Variants in ING2 observed in about 807,000 individuals in gnomAD.
The protein encoded by ING2 is inhibitor of growth protein 2.
A neutral mutation model predicts 30.6 loss-of-function variants in ING2; 7 were observed. That is an observed-to-expected ratio of 0.23 (90% CI 0.13 to 0.43). The LOEUF is 0.43. Ranked by LOEUF, ING2 falls within the 20% of genes least tolerant of loss-of-function variation. The pLI is 1.00. For synonymous variants in ING2, 136 were observed against 121.7 expected (o/e 1.12, Z -0.78); for missense variants, 239 against 334.9 (o/e 0.71, Z 2.24).
chr4:183,505,369 T>G lies in ING2; in HGVS notation c.172+2T>G. 6.5e-7 allele frequency: 1 copy of G among 1,530,912 alleles called. No individual in the cohort carries two copies. Among genetic ancestry groups the G allele is most frequent in the Non-Finnish European group, 8.8e-7 (1 of 1,137,516 alleles). 94.8% of individuals were successfully genotyped at this position (1,530,912 alleles called of 1,614,324 possible). The stretch of plus-strand genomic sequence containing the variant: ...GAGAGCTGGACAACAAATATCAAGG[T>G]AGGAGCCGCGGGGCTGCCGGCCTCG... On this transcript the variant is annotated splice_donor_variant, in intron 1 of 1. Coordinates refer to ENST00000302327, the MANE Select transcript of ING2 (RefSeq NM_001564.4). LOFTEE classifies it high-confidence loss of function.
chr4:183,512,225 C>G lies in ING2; in HGVS notation c.*1273C>G, dbSNP rs1281781796. Among the ~76,000 whole-genome samples the G allele has an allele frequency of 6.6e-6, 1 of 151,528 alleles. No individual in the cohort carries two copies. The highest frequency in any genetic ancestry group is 6.6e-5 in the Admixed American group (1 of 15,224). Reference sequence around the variant, plus strand: ...TTCTTTTTGATTAACATGAAAAATCCTGTCTGCTTGTTTTGGGAAAAAAAA... The same window carrying G: ...TTCTTTTTGATTAACATGAAAAATCGTGTCTGCTTGTTTTGGGAAAAAAAA... On this transcript the variant is annotated 3_prime_UTR_variant, in exon 2 of 2. Coordinates refer to ENST00000302327, the MANE Select transcript of ING2 (RefSeq NM_001564.4).
At chr4:183,507,678 A>C (rs1318866872) in intron 1 of ING2, among the ~76,000 whole-genome samples, 1 of 152,174 alleles carries the variant, frequency 6.6e-6, no homozygotes, top group African/African-American at 2.4e-5. Context: ...CAACTTTCAC[A>C]GTTTTATGTT....
intron 1 of ING2, among the ~76,000 whole-genome samples, chr4:183,508,455 C>G (rs1734733298): frequency 6.6e-6 from 1 of 151,978 alleles, no homozygotes. Flanking sequence ...AGATGCCGAG[C>G]TAAGCAAATG....
chr4:183,505,445 C>A, intron 1 of ING2, 78 bp downstream of exon 1: 1 of 1,340,294 alleles, frequency 7.5e-7, no homozygotes, highest in Non-Finnish European at 1.0e-6. Context: ...TCCCTTTCTC[C>A]CGTGACAGTC....
chr4:183,507,559 T>C (rs553899770), intron 1 of ING2, among the ~76,000 whole-genome samples: 1 of 152,332 alleles, frequency 6.6e-6, no homozygotes, highest in African/African-American at 2.4e-5. Context: ...ATTAGTAATA[T>C]AGTAGGCCTT....
Position 183,505,365 on chromosome 4 carries a change from A to G in ING2, c.170A>G (p.Gln57Arg). ...CTGCGAGAGCTGGACAACAAATATC[A>G]AGGTAGGAGCCGCGGGGCTGCCGGC... ...SVLRELDNKY[Q>R]ETLKEIDDVY... The change falls in exon 1 of 2, where the codon CAA becomes CGA. Residue 57 changes from glutamine (Q) to arginine (R), a missense_variant and splice_region_variant. Physicochemically the swap from Gln to Arg is conservative, Grantham distance 43. Around this residue, in one of 5 missense-constraint regions of ING2, gnomAD observed 80 missense variants for 102.4 expected, o/e 0.78. Transcript: ENST00000302327. 3.9e-6 allele frequency: 6 copies of G among 1,530,084 alleles called. No individual in the cohort carries two copies. Among genetic ancestry groups the G allele is most frequent in the Non-Finnish European group, 4.4e-6 (5 of 1,135,992 alleles). 94.8% of individuals were successfully genotyped at this position (1,530,084 alleles called of 1,614,324 possible).
chr4:183,505,962 C>T (rs1056896117), intron 1 of ING2: 1 of 493,156 alleles, frequency 2.0e-6, no homozygotes, highest in Non-Finnish European at 2.9e-6. Context: ...AGCCCTAGCC[C>T]AGTTCTTTCG....
intron 1 of ING2, among the ~76,000 whole-genome samples, chr4:183,507,460 A>G (rs1393268574): frequency 1.3e-5 from 2 of 152,204 alleles, no homozygotes; most frequent in African/African-American, 4.8e-5. Flanking sequence ...GAGTTAAGCT[A>G]TTTGAAGTTG....
Position 183,506,255 on chromosome 4 carries a change from C to G in ING2, c.172+888C>G, listed in dbSNP as rs193061380. On this transcript the variant is annotated intron_variant, in intron 1 of 1. Coordinates refer to ENST00000302327, the MANE Select transcript of ING2 (RefSeq NM_001564.4). ...TGTTTTGCGGTGATGTTTCCAACCT[C>G]TTTCCCAGTCAATGGATCAGGACGG... 8.4e-4 allele frequency: 1,095 copies of G among 1,304,314 alleles called. 6 individuals are homozygous for G. The African/African-American group carries it at 0.015, about 18-fold the overall frequency. 80.8% of individuals were successfully genotyped at this position (1,304,314 alleles called of 1,614,324 possible). A position where few individuals can be genotyped will look rare whatever the true frequency, so the allele number is the denominator to read the frequency against.
Position 183,511,074 on chromosome 4 carries a change from G to GTA in ING2, c.*124_*125dup. On this transcript the variant is annotated 3_prime_UTR_variant, in exon 2 of 2. Coordinates refer to ENST00000302327, the MANE Select transcript of ING2 (RefSeq NM_001564.4). ...ATTTTTAATCATTAGTATTAATGGT[G>GTA]TATTAAAAGTTGTTGTACTTTGTCT... is the stretch of plus-strand genomic sequence containing the variant. The GTA allele has an allele frequency of 1.3e-6, 1 of 772,876 alleles. No homozygotes were observed. Among genetic ancestry groups the GTA allele is most frequent in the East Asian group, 2.8e-5 (1 of 35,560 alleles). The allele number at this position is 772,876 out of a possible 1,614,324, so 47.9% of individuals were successfully genotyped here. A position where few individuals can be genotyped will look rare whatever the true frequency, so the allele number is the denominator to read the frequency against.
chr4:183,505,352 G>A lies in ING2; in HGVS notation c.157G>A (p.Asp53Asn). 3 of 1,539,278 alleles carry A rather than the reference G, an allele frequency of 1.9e-6. No homozygotes were observed. The South Asian group carries it at 3.6e-5, about 18-fold the overall frequency. ...GAACGTGTCTGTGCTGCGAGAGCTG[G>A]ACAACAAATATCAAGGTAGGAGCCG... ...QRNVSVLREL[D>N]NKYQETLKEI... Residue 53 changes from aspartate (D) to asparagine (N), a missense_variant, in exon 1 of 2, where the codon GAC (aspartate) becomes AAC (asparagine). Physicochemically the swap from Asp to Asn is conservative, Grantham distance 23. Transcript: ENST00000302327.
rs1734811428 is a variant in ING2, at chr4:183,511,034, TAA to T, written c.*83_*84del. On this transcript the variant is annotated 3_prime_UTR_variant, in exon 2 of 2. Transcript: ENST00000302327. ...CAGAAAATGTTTTAGGGTAAATGCA[TAA>T]GACTATGCAATAATTTTTAATCATT... 3.8e-6 allele frequency: 4 copies of T among 1,059,238 alleles called. No individual in the cohort carries two copies. The Admixed American group carries it at 1.2e-4, about 31-fold the overall frequency. 65.6% of individuals were successfully genotyped at this position (1,059,238 alleles called of 1,614,324 possible).
Position 183,511,096 on chromosome 4 carries a change from G to C in ING2, c.*144G>C. On this transcript the variant is annotated 3_prime_UTR_variant, in exon 2 of 2. Coordinates refer to ENST00000302327, the MANE Select transcript of ING2 (RefSeq NM_001564.4). ...GGTGTATTAAAAGTTGTTGTACTTT[G>C]TCTGTGACCTTAATTTTCTGCACTG... 1.5e-6 allele frequency: 1 copy of C among 658,474 alleles called. No individual in the cohort carries two copies. The highest frequency in any genetic ancestry group is 2.6e-5 in the South Asian group (1 of 38,972). The allele number at this position is 658,474 out of a possible 1,614,324, so 40.8% of individuals were successfully genotyped here. A position where few individuals can be genotyped will look rare whatever the true frequency, so the allele number is the denominator to read the frequency against.
At chr4:183,506,779 C>A (rs558494684) in intron 1 of ING2, among the ~76,000 whole-genome samples, 1 of 151,062 alleles carries the variant, frequency 6.6e-6, no homozygotes, top group East Asian at 2.0e-4. Flanking sequence ...TAGGACTGAT[C>A]CGTGTTTGGG....
intron 1 of ING2, 36 bp downstream of exon 1, chr4:183,505,403 TG>T: frequency 6.6e-7 from 1 of 1,505,186 alleles, no homozygotes; most frequent in South Asian, 1.2e-5. Context: ...CGGGAGCCGG[TG>T]GCGGGGAGCC....
In ING2 at chr4:183,510,966, CA is replaced by C. The variant is rs754565829; in HGVS notation, c.*15del. The C allele has an allele frequency of 6.5e-6, 10 of 1,549,500 alleles. No homozygotes were observed. In the African/African-American group the frequency reaches 1.4e-4, roughly 21 times the overall value. ...AGATCGAGGTAGTAAAGGCCATCCA[CA>C]TTTTAAAGGGTTATTTGTCTTTTAT... On this transcript the variant is annotated 3_prime_UTR_variant, in exon 2 of 2. Transcript: ENST00000302327.
At chr4:183,509,818 C>A in intron 1 of ING2, among the ~76,000 whole-genome samples, 1 of 150,794 alleles carries the variant, frequency 6.6e-6, no homozygotes, top group Non-Finnish European at 1.5e-5. Context: ...ACGGCAACCT[C>A]CGCCTTCCGG....
intron 1 of ING2, among the ~76,000 whole-genome samples, chr4:183,505,761 G>A (rs1734621417): frequency 6.6e-6 from 1 of 152,152 alleles, no homozygotes; most frequent in South Asian, 2.1e-4. Flanking sequence ...CCGCTGGTCT[G>A]CGGGGCGCGC....
chr4:183,505,882 C>T (rs1435059702), intron 1 of ING2, among the ~76,000 whole-genome samples: 1 of 152,086 alleles, frequency 6.6e-6, no homozygotes, highest in Non-Finnish European at 1.5e-5. Flanking sequence ...CGCGCTCCTG[C>T]CCCGGCCCGG....
Sources: gnomAD v4.1 joint callset for allele counts (sites outside exome capture counted in the v4.1 genomes callset) on GRCh38, gnomAD v4.1.1 for gene constraint, gnomAD v4.1.1 regional missense constraint, MANE v1.5 for transcripts, NCBI Gene and HGNC (gene_info 2026-07-23, HGNC 2026-07-21) for gene names.